SPIDR: variants seen among roughly 807,000 people sequenced by gnomAD.
SPIDR encodes scaffold protein involved in DNA repair.
Under a neutral mutation model 104.6 loss-of-function variants are expected in SPIDR, and 93 were observed. The ratio of observed to expected loss-of-function variants is 0.89; its 90% CI spans 0.75 to 1.06. The LOEUF (loss-of-function observed/expected upper bound fraction) is 1.06, where lower values mean the gene tolerates loss of function less well. Among genes scored for constraint, SPIDR ranks in the 50% least tolerant of loss-of-function variants. SPIDR has a pLI of 0.00. For missense variants in SPIDR, 1,154 were observed against 1,111.2 expected, an observed-to-expected ratio of 1.04 and a Z score of -0.55; for synonymous variants, 431 against 416.9, an observed-to-expected ratio of 1.03 and a Z score of -0.41.
chr8:47,674,431 G>A (rs1166256631), intron 11 of SPIDR, among the ~76,000 whole-genome samples: 2 of 152,066 alleles, frequency 1.3e-5, no homozygotes, highest in African/African-American at 2.4e-5. Flanking sequence ...AGGCAGAGGT[G>A]GAGTGTTACA....
intron 8 of SPIDR, among the ~76,000 whole-genome samples, chr8:47,545,271 T>C (rs1212544990): frequency 1.3e-5 from 2 of 152,012 alleles, no homozygotes; most frequent in Non-Finnish European, 2.9e-5. Flanking sequence ...GGTTTCACTA[T>C]ATTGGCCAGG....
chr8:47,611,615 G>A lies in SPIDR; in HGVS notation c.1544+12419G>A, dbSNP rs557724378. ...TGGGAGGCTGAGGCAGGAGAGTGGC[G>A]TCAACCCAGGAGGCGGAGCTTGCAG... On this transcript the variant is annotated intron_variant, in intron 10 of 19. Coordinates refer to ENST00000297423, the MANE Select transcript of SPIDR (RefSeq NM_001080394.4). Among the ~76,000 whole-genome samples, 176 of 151,880 alleles carry A rather than the reference G, an allele frequency of 1.2e-3. 1 individual carries two copies. Among genetic ancestry groups the A allele is most frequent in the African/African-American group, 3.9e-3 (162 of 41,428 alleles).
At chr8:47,588,885 A>G (rs1436751374) in intron 8 of SPIDR, among the ~76,000 whole-genome samples, 1 of 152,180 alleles carries the variant, frequency 6.6e-6, no homozygotes, top group Non-Finnish European at 1.5e-5. Flanking sequence ...CAAATACCAA[A>G]CAAGGCCATC....
intron 11 of SPIDR, among the ~76,000 whole-genome samples, chr8:47,684,283 A>C (rs1056092708): frequency 6.6e-6 from 1 of 152,118 alleles, no homozygotes; most frequent in African/African-American, 2.4e-5. Flanking sequence ...ACCTACTCCC[A>C]CATAACCAAG....
chr8:47,341,430 T>C (rs1433312057), intron 5 of SPIDR, among the ~76,000 whole-genome samples: 3 of 152,010 alleles, frequency 2.0e-5, no homozygotes, highest in African/African-American at 4.8e-5. Context: ...TAGAGATAAA[T>C]AAACATGCAT....
chr8:47,682,077 C>T (rs961765945), intron 11 of SPIDR, among the ~76,000 whole-genome samples: 1 of 151,796 alleles, frequency 6.6e-6, no homozygotes. Flanking sequence ...CCAAGGTGGT[C>T]GTTGTCCTAA....
intron 8 of SPIDR, among the ~76,000 whole-genome samples, chr8:47,489,967 C>A (rs1215251433): frequency 2.2e-4 from 33 of 152,192 alleles, no homozygotes; most frequent in African/African-American, 7.2e-4. Flanking sequence ...CTAAAACACC[C>A]AAAGCAATGG....
chr8:47,304,636 G>C (rs1035729896), intron 5 of SPIDR, among the ~76,000 whole-genome samples: 6 of 152,050 alleles, frequency 3.9e-5, no homozygotes, highest in African/African-American at 9.7e-5. Context: ...CACCCACTTT[G>C]CCTCCCACCA....
intron 8 of SPIDR, among the ~76,000 whole-genome samples, chr8:47,443,636 A>G (rs1463187496): frequency 3.3e-5 from 5 of 149,926 alleles, no homozygotes; most frequent in Non-Finnish European, 7.4e-5. Context: ...TTTTTAAAGG[A>G]CTAGTCTTTT....
chr8:47,467,204 A>C (rs1383505711), intron 8 of SPIDR, among the ~76,000 whole-genome samples: 1 of 152,094 alleles, frequency 6.6e-6, no homozygotes, highest in Admixed American at 6.6e-5. Context: ...ATGAGCTCCA[A>C]AATCGAGTCA....
chr8:47,357,604 C>CAAA (rs1422119247), intron 5 of SPIDR, among the ~76,000 whole-genome samples: 2 of 152,138 alleles, frequency 1.3e-5, no homozygotes, highest in African/African-American at 4.8e-5. Context: ...TATGATGGAG[C>CAAA]AAGGTAGCAT....
At chr8:47,618,466 T>G (rs1165252543) in intron 10 of SPIDR, among the ~76,000 whole-genome samples, 2 of 152,192 alleles carry the variant, frequency 1.3e-5, no homozygotes, top group South Asian at 4.1e-4. Context: ...TTAGCAGGAA[T>G]TAATTTTTTT....
rs2086204586 is a variant in SPIDR, at chr8:47,735,974, T to C, written c.*524T>C. ...TAGGGAACTGTATCACAGGTGAAACTGTTACCCATAAAGTGTAGCTCTCTG... is the reference window on the plus strand; with the variant it reads ...TAGGGAACTGTATCACAGGTGAAACCGTTACCCATAAAGTGTAGCTCTCTG... On this transcript the variant is annotated 3_prime_UTR_variant, in exon 20 of 20. Coordinates refer to ENST00000297423, the MANE Select transcript of SPIDR (RefSeq NM_001080394.4). 1 of 214,338 alleles carries C rather than the reference T, an allele frequency of 4.7e-6. No homozygotes were observed. The highest frequency in any genetic ancestry group is 9.5e-6 in the Non-Finnish European group (1 of 105,098). 13.3% of individuals were successfully genotyped at this position (214,338 alleles called of 1,614,324 possible).
At chr8:47,569,971 A>C (rs1220802614) in intron 8 of SPIDR, among the ~76,000 whole-genome samples, 1 of 152,194 alleles carries the variant, frequency 6.6e-6, no homozygotes, top group Non-Finnish European at 1.5e-5. Context: ...ACAATGTTGA[A>C]AGAGATTAAT....
chr8:47,324,258 C>T (rs1458744384), intron 5 of SPIDR, among the ~76,000 whole-genome samples: 1 of 152,148 alleles, frequency 6.6e-6, no homozygotes, highest in Admixed American at 6.5e-5. Context: ...GAACACAACT[C>T]TGTGTGATTC....
chr8:47,642,415 C>CA (rs56227753), intron 10 of SPIDR, among the ~76,000 whole-genome samples: 847 of 57,604 alleles, frequency 0.015, 5 homozygotes, highest in African/African-American at 0.039. Context: ...GACTCCGTCT[C>CA]AAAAAAAAAA....
chr8:47,430,230 T>G (rs1212901856), intron 7 of SPIDR, among the ~76,000 whole-genome samples: 3 of 152,312 alleles, frequency 2.0e-5, no homozygotes, highest in Admixed American at 6.5e-5. Flanking sequence ...CTCTTCTCCT[T>G]TTTCTTCTCT....
At chr8:47,601,624 C>T (rs1157694862) in intron 10 of SPIDR, among the ~76,000 whole-genome samples, 1 of 152,094 alleles carries the variant, frequency 6.6e-6, no homozygotes, top group African/African-American at 2.4e-5. Flanking sequence ...AACAGGGAGG[C>T]GGAGGTTGCA....
At chr8:47,655,245 A>C (rs1414691305) in intron 10 of SPIDR, among the ~76,000 whole-genome samples, 1 of 152,154 alleles carries the variant, frequency 6.6e-6, no homozygotes, top group African/African-American at 2.4e-5. Flanking sequence ...TATACCCAGT[A>C]ATGGGATGGC....
Sources: gnomAD v4.1 joint callset for allele counts (sites outside exome capture counted in the v4.1 genomes callset) on GRCh38, gnomAD v4.1.1 for gene constraint, MANE v1.5 for transcripts, NCBI Gene and HGNC (gene_info 2026-07-23, HGNC 2026-07-21) for gene names.